PRKN: variants seen among roughly 807,000 people sequenced by gnomAD.
The protein encoded by PRKN is parkin RBR E3 ubiquitin protein ligase, also known as E3 ubiquitin-protein ligase parkin.
In PRKN, 56 loss-of-function variants were observed where a neutral mutation model predicts 59.5. The observed-to-expected ratio is 0.94, with a 90% CI of 0.76 to 1.18. The LOEUF is 1.18. PRKN is among the 50% of genes most tolerant of loss of function. The probability of loss-of-function intolerance (pLI) is 0.00; values close to 1 mark genes in which losing one functional copy is unlikely to be tolerated. For missense variants in PRKN, 657 were observed against 596.4 expected, an observed-to-expected ratio of 1.10 and a Z score of -1.06; for synonymous variants, 250 against 222.1, an observed-to-expected ratio of 1.13 and a Z score of -1.12.
chr6:161,960,767 A>G (rs550430433), intron 6 of PRKN, among the ~76,000 whole-genome samples: 1 of 152,338 alleles, frequency 6.6e-6, no homozygotes, highest in South Asian at 2.1e-4. Flanking sequence ...AATGAAAGTC[A>G]GTCTGTGGAT....
chr6:162,397,115 C>A (rs1230856552), intron 2 of PRKN, among the ~76,000 whole-genome samples: 1 of 152,188 alleles, frequency 6.6e-6, no homozygotes, highest in Admixed American at 6.5e-5. Flanking sequence ...GGCTTGCTAA[C>A]TGATAGAATG....
At chr6:161,587,955 A>G (rs1781578564) in intron 7 of PRKN, among the ~76,000 whole-genome samples, 2 of 152,354 alleles carry the variant, frequency 1.3e-5, no homozygotes, top group South Asian at 4.1e-4. Context: ...TTTTAGAAGC[A>G]TATATTGCTG....
intron 1 of PRKN, among the ~76,000 whole-genome samples, chr6:162,561,095 C>A (rs748632668): frequency 6.6e-6 from 1 of 152,072 alleles, no homozygotes; most frequent in South Asian, 2.1e-4. Context: ...ATCCATGGAG[C>A]GTGTCCAACT....
chr6:162,501,191 C>T (rs999143121), intron 1 of PRKN, among the ~76,000 whole-genome samples: 3 of 151,974 alleles, frequency 2.0e-5, no homozygotes, highest in Non-Finnish European at 4.4e-5. Flanking sequence ...TTTTAATATC[C>T]CTCCTCCCCC....
chr6:162,692,610 C>A (rs1460173980), intron 1 of PRKN, among the ~76,000 whole-genome samples: 1 of 148,366 alleles, frequency 6.7e-6, no homozygotes, highest in Non-Finnish European at 1.5e-5. Context: ...GGCTCAGTGA[C>A]CCTCCGGGTT....
At chr6:162,006,143 A>C (rs184440364) in intron 5 of PRKN, among the ~76,000 whole-genome samples, 39 of 152,268 alleles carry the variant, frequency 2.6e-4, no homozygotes, top group South Asian at 6.2e-4. Context: ...TTGTCTAATG[A>C]CTTGTTTGTT....
chr6:162,557,928 C>G (rs942588123), intron 1 of PRKN, among the ~76,000 whole-genome samples: 6 of 152,140 alleles, frequency 3.9e-5, no homozygotes, highest in African/African-American at 1.2e-4. Flanking sequence ...AGTTTCAGCT[C>G]AAGAATCAGA....
intron 2 of PRKN, among the ~76,000 whole-genome samples, chr6:162,386,507 C>A (rs914030560): frequency 4.6e-5 from 7 of 152,208 alleles, no homozygotes; most frequent in Non-Finnish European, 1.0e-4. Flanking sequence ...GAGGTGGGTT[C>A]TCTTCATCTT....
intron 6 of PRKN, among the ~76,000 whole-genome samples, chr6:161,933,754 T>C (rs560386895): frequency 1.3e-5 from 2 of 151,534 alleles, no homozygotes; most frequent in East Asian, 3.9e-4. Context: ...TAAATGAAGC[T>C]CACAGTTCCC....
chr6:162,710,080 C>A (rs746136302), intron 1 of PRKN, among the ~76,000 whole-genome samples: 1 of 152,112 alleles, frequency 6.6e-6, no homozygotes, highest in African/African-American at 2.4e-5. Context: ...GGCTGCTGAG[C>A]CAGGGGTCCT....
In PRKN at chr6:162,617,758, ATTT is replaced by A. The variant is rs34324063; in HGVS notation, c.7+109901_7+109903del. On this transcript the variant is annotated intron_variant, in intron 1 of 11. Transcript: ENST00000366898. ...TAGTATAATTTTTATCTGAAAAATA[ATTT>A]TTTTTTGTTATGGTCCTATGATGAA... 4.0e-5 allele frequency among the ~76,000 whole-genome samples: 6 copies of A among 151,234 alleles called. No individual in the cohort carries two copies. The South Asian group carries it at 8.3e-4, about 21-fold the overall frequency.
intron 1 of PRKN, among the ~76,000 whole-genome samples, chr6:162,620,428 CTCAACAT>C: frequency 1.2e-5 from 1 of 81,524 alleles, no homozygotes; most frequent in Non-Finnish European, 2.8e-5. Context: ...AAAATTAAAA[CTCAACAT>C]AAGCAACATT....
chr6:161,944,095 GATCAGCCTGAGGA>G (rs1466671722), intron 6 of PRKN, among the ~76,000 whole-genome samples: 2,747 of 116,982 alleles, frequency 0.023, 156 homozygotes, highest in African/African-American at 0.088. Flanking sequence ...CAGCCTGAGG[GATCAGCCTGAGGA>G]ATCAGCCTGA....
chr6:161,638,280 A>T (rs1200538486), intron 7 of PRKN, among the ~76,000 whole-genome samples: 6 of 151,746 alleles, frequency 4.0e-5, no homozygotes, highest in Non-Finnish European at 7.4e-5. Context: ...CTACAGGCAC[A>T]TGCCACCATG....
rs1039492436 is a variant in PRKN, at chr6:161,349,121, A to G, written c.*978T>C. Reference sequence around the variant, plus strand: ...GGTAGTTCTGGAAAGGCTCCTCTTTAAAGATTCTGATTTAATAATGTTCAC... The same window carrying G: ...GGTAGTTCTGGAAAGGCTCCTCTTTGAAGATTCTGATTTAATAATGTTCAC... On this transcript the variant is annotated 3_prime_UTR_variant, in exon 12 of 12. Transcript: ENST00000366898. This position sits in a 1 kb window ranked among gnomAD's most constrained non-coding sequence, Gnocchi z 5.5. The G allele has an allele frequency of 4.5e-5, 10 of 221,982 alleles. No individual in the cohort carries two copies. The highest frequency in any genetic ancestry group is 9.0e-5 in the Non-Finnish European group (10 of 111,090). 13.8% of individuals were successfully genotyped at this position (221,982 alleles called of 1,614,324 possible).
In PRKN at chr6:162,262,782, T is replaced by TAA. The variant is rs751742289; in HGVS notation, c.172-19_172-18dup. ...GTCACAATTCTGTTTGGGAGCAAGG[T>TAA]AAAAAAAAAAAAAAAAAAAAAGGAA... On this transcript the variant is annotated splice_polypyrimidine_tract_variant and intron_variant, in intron 2 of 11. Transcript: ENST00000366898. 5,475 of 1,355,740 alleles carry TAA rather than the reference T, an allele frequency of 4.0e-3. 2 individuals carry two copies. Among genetic ancestry groups the TAA allele is most frequent in the South Asian group, 0.015 (1,073 of 70,598 alleles). The allele number at this position is 1,355,740 out of a possible 1,614,324, so 84.0% of individuals were successfully genotyped here.
chr6:161,720,585 G>T (rs1787178296), intron 7 of PRKN, among the ~76,000 whole-genome samples: 1 of 152,046 alleles, frequency 6.6e-6, no homozygotes, highest in Non-Finnish European at 1.5e-5. Flanking sequence ...ATCTGAGAAG[G>T]GGCTCTCCAT....
chr6:162,543,361 G>A (rs1331666014), intron 1 of PRKN, among the ~76,000 whole-genome samples: 3 of 151,812 alleles, frequency 2.0e-5, no homozygotes, highest in East Asian at 3.9e-4. Flanking sequence ...AAAAATTCCC[G>A]CCCACTTCTC....
At chr6:162,001,880 G>T (rs1782072875) in intron 5 of PRKN, among the ~76,000 whole-genome samples, 1 of 145,398 alleles carries the variant, frequency 6.9e-6, no homozygotes, top group African/African-American at 2.5e-5. Context: ...ATCATGAATG[G>T]GTGTTTGATT....
Sources: gnomAD v4.1 joint callset for allele counts (sites outside exome capture counted in the v4.1 genomes callset) on GRCh38, gnomAD v4.1.1 for gene constraint, Gnocchi (gnomAD v3.1) non-coding constraint, MANE v1.5 for transcripts, NCBI Gene and HGNC (gene_info 2026-07-23, HGNC 2026-07-21) for gene names.